GULP1: variants seen among roughly 807,000 people sequenced by gnomAD.
The protein encoded by GULP1 is PTB domain-containing engulfment adapter protein 1.
Under a neutral mutation model 40.9 loss-of-function variants are expected in GULP1, and 19 were observed. The ratio of observed to expected loss-of-function variants is 0.46; its 90% CI spans 0.32 to 0.68. The LOEUF is 0.68. GULP1 is among the 30% of genes least tolerant of loss of function. GULP1 has a pLI of 0.03. For synonymous variants in GULP1, 119 were observed against 117.6 expected, an observed-to-expected ratio of 1.01 and a Z score of -0.08; for missense variants, 312 against 362.2, an observed-to-expected ratio of 0.86 and a Z score of 1.12.
intron 6 of GULP1, among the ~76,000 whole-genome samples, chr2:188,532,787 G>C (rs747137457): frequency 6.6e-6 from 1 of 151,276 alleles, no homozygotes; most frequent in Non-Finnish European, 1.5e-5. Context: ...TGGGTGTGGT[G>C]GTGGGTGCCT....
In GULP1 at chr2:188,473,597, G is replaced by A. The variant is rs1377470105; in HGVS notation, c.-44-4062G>A. On this transcript the variant is annotated intron_variant, in intron 2 of 11. Coordinates refer to ENST00000409830, the MANE Select transcript of GULP1 (RefSeq NM_016315.4). ...TGAGTACTGCCAGCCTACTGCTGAT[G>A]TTACCTTAAGGTCCGTGGGCTCTTT... Among the ~76,000 whole-genome samples the A allele has an allele frequency of 2.6e-5, 4 of 152,274 alleles. No homozygotes were observed. In the East Asian group the frequency reaches 7.7e-4, roughly 29 times the overall value.
At chr2:188,385,547 T>A (rs888847857) in intron 2 of GULP1, among the ~76,000 whole-genome samples, 1 of 152,212 alleles carries the variant, frequency 6.6e-6, no homozygotes, top group Non-Finnish European at 1.5e-5. Context: ...TTTATGCAGC[T>A]AGCTTGAATT....
intron 1 of GULP1, among the ~76,000 whole-genome samples, chr2:188,359,689 T>C (rs1208239353): frequency 6.6e-6 from 1 of 152,156 alleles, no homozygotes; most frequent in East Asian, 1.9e-4. Flanking sequence ...ATTGATGTAC[T>C]ATTAGTTATT....
intron 4 of GULP1, among the ~76,000 whole-genome samples, chr2:188,508,867 A>G (rs1311971106): frequency 1.6e-5 from 2 of 123,502 alleles, no homozygotes; most frequent in Non-Finnish European, 3.5e-5. Context: ...CTATGTGTCA[A>G]TAGGCACTTT....
At position 188,529,241 on chromosome 2, in the gene GULP1, A is replaced by G. The variant is rs1484727072; in HGVS notation, c.261+46A>G. On this transcript the variant is annotated intron_variant, in intron 6 of 11. Transcript: ENST00000409830. ...TTAGAGGCAATCTTTAATTAATTGC[A>G]ATTATATTCCTACTTTAACAAATAT... The G allele has an allele frequency of 2.6e-5, 23 of 876,608 alleles. No individual in the cohort carries two copies. The Admixed American group carries it at 5.3e-4, about 20-fold the overall frequency. The allele number at this position is 876,608 out of a possible 1,614,324, so 54.3% of individuals were successfully genotyped here. A position where few individuals can be genotyped will look rare whatever the true frequency, so the allele number is the denominator to read the frequency against.
intron 7 of GULP1, among the ~76,000 whole-genome samples, chr2:188,557,921 A>G (rs1576074547): frequency 1.3e-5 from 2 of 152,068 alleles, no homozygotes; most frequent in Non-Finnish European, 2.9e-5. Flanking sequence ...GGAAGCAGGG[A>G]GTAGTGTTGT....
chr2:188,344,107 C>T (rs966342125), intron 1 of GULP1, among the ~76,000 whole-genome samples: 2 of 152,280 alleles, frequency 1.3e-5, no homozygotes, highest in East Asian at 1.9e-4. Context: ...CACGCCTGGC[C>T]CTCTCAACCT....
intron 2 of GULP1, among the ~76,000 whole-genome samples, chr2:188,400,058 G>T (rs1034198593): frequency 1.3e-5 from 2 of 152,104 alleles, no homozygotes; most frequent in Non-Finnish European, 2.9e-5. Flanking sequence ...AAAATTCATT[G>T]TATAACAGTT....
chr2:188,360,398 A>C (rs2045927400), intron 1 of GULP1, among the ~76,000 whole-genome samples: 2 of 152,044 alleles, frequency 1.3e-5, no homozygotes, highest in Admixed American at 6.6e-5. Context: ...AATTTCAAGC[A>C]ATTAAATTTC....
intron 1 of GULP1, among the ~76,000 whole-genome samples, chr2:188,363,647 A>G (rs1182461040): frequency 6.6e-6 from 1 of 152,166 alleles, no homozygotes; most frequent in Non-Finnish European, 1.5e-5. Context: ...GAAGGTATAC[A>G]TTTTAACACT....
intron 4 of GULP1, among the ~76,000 whole-genome samples, chr2:188,510,681 T>C (rs1053732148): frequency 2.0e-5 from 3 of 152,098 alleles, no homozygotes; most frequent in African/African-American, 7.2e-5. Flanking sequence ...TGTGTAGATA[T>C]CCTAAAAATC....
At chr2:188,442,931 A>T (rs1054557556) in intron 2 of GULP1, among the ~76,000 whole-genome samples, 1 of 152,180 alleles carries the variant, frequency 6.6e-6, no homozygotes, top group African/African-American at 2.4e-5. Context: ...GCTTTGTACC[A>T]GAGAGGAGTT....
At chr2:188,572,322 T>C (rs912520409) in intron 9 of GULP1, among the ~76,000 whole-genome samples, 2 of 152,178 alleles carry the variant, frequency 1.3e-5, no homozygotes, top group African/African-American at 4.8e-5. Context: ...AATAATGAAA[T>C]AGCTATGTTT....
At chr2:188,314,441 A>G (rs894381080) in intron 1 of GULP1, among the ~76,000 whole-genome samples, 1 of 151,938 alleles carries the variant, frequency 6.6e-6, no homozygotes, top group Non-Finnish European at 1.5e-5. Context: ...ATTTTTCATG[A>G]TTTAGTTTCT....
chr2:188,525,780 G>A (rs1686022735), intron 5 of GULP1, among the ~76,000 whole-genome samples: 1 of 152,122 alleles, frequency 6.6e-6, no homozygotes, highest in Non-Finnish European at 1.5e-5. Context: ...CAAGTCTTGT[G>A]AAGTCTCAGC....
chr2:188,529,660 G>T (rs1205750359), intron 6 of GULP1, among the ~76,000 whole-genome samples: 1 of 152,144 alleles, frequency 6.6e-6, no homozygotes, highest in Non-Finnish European at 1.5e-5. Flanking sequence ...TCTCACAGTT[G>T]TGGAGGCTGG....
At chr2:188,554,316 T>C (rs1402377338) in intron 7 of GULP1, among the ~76,000 whole-genome samples, 1 of 152,102 alleles carries the variant, frequency 6.6e-6, no homozygotes, top group South Asian at 2.1e-4. Flanking sequence ...GCACTGCTTT[T>C]ACTGTGTCTC....
At position 188,448,657 on chromosome 2, in the gene GULP1, C is replaced by T. The variant is rs139291846; in HGVS notation, c.-44-29002C>T. ...CAGAGAATGACTGTATTAAATAGAA[C>T]ATATGTGATATGGTTTGAGTATTTG... is the stretch of plus-strand genomic sequence containing the variant. On this transcript the variant is annotated intron_variant, in intron 2 of 11. Transcript: ENST00000409830. 3.4e-4 allele frequency among the ~76,000 whole-genome samples: 52 copies of T among 152,232 alleles called. 3 individuals are homozygous for T. The East Asian group carries it at 0.01, about 29-fold the overall frequency.
chr2:188,551,031 C>T (rs1309486385), intron 7 of GULP1, among the ~76,000 whole-genome samples: 1 of 151,366 alleles, frequency 6.6e-6, no homozygotes, highest in Non-Finnish European at 1.5e-5. Context: ...CAGGAGTGAC[C>T]AGCTGTAAAC....
Sources: allele counts gnomAD v4.1 joint callset (sites outside exome capture counted in the v4.1 genomes callset), GRCh38; gene constraint gnomAD v4.1.1; transcripts MANE v1.5; gene names NCBI Gene and HGNC (gene_info 2026-07-23, HGNC 2026-07-21).